PARD3B: variants seen among roughly 807,000 people sequenced by gnomAD.
PARD3B encodes the protein par-3 family cell polarity regulator beta, also known as partitioning defective 3 homolog B.
PARD3B carries 103 observed loss-of-function variants against 130.2 expected under a neutral mutation model. That is an observed-to-expected ratio of 0.79 (90% CI 0.67 to 0.93). The LOEUF (loss-of-function observed/expected upper bound fraction) is 0.93, where lower values mean the gene tolerates loss of function less well. PARD3B is among the 40% of genes least tolerant of loss of function. The pLI, the probability that PARD3B is intolerant of heterozygous loss-of-function variation, is 0.00. For missense variants in PARD3B, 1,609 were observed against 1,499.2 expected, an observed-to-expected ratio of 1.07 and a Z score of -1.21; for synonymous variants, 583 against 553.2, an observed-to-expected ratio of 1.05 and a Z score of -0.76.
rs576600035 is a variant in PARD3B at position 204,986,025 on chromosome 2, C to T, written c.394+20702C>T. ...CTGAGGCAGGAGAATTGCTTGAATCCGGGAGGTGGAGCTTGCAGTGAGCCG... is the reference window on the plus strand; with the variant it reads ...CTGAGGCAGGAGAATTGCTTGAATCTGGGAGGTGGAGCTTGCAGTGAGCCG... On this transcript the variant is annotated intron_variant, in intron 3 of 22. Transcript: ENST00000406610. 5.4e-5 allele frequency among the ~76,000 whole-genome samples: 7 copies of T among 128,446 alleles called. No individual in the cohort carries two copies. The South Asian group carries it at 1.3e-3, about 24-fold the overall frequency. The allele number at this position is 128,446 out of a possible 152,430, so 84.3% of individuals were successfully genotyped here. A position where few individuals can be genotyped will look rare whatever the true frequency, so the allele number is the denominator to read the frequency against.
rs749425971 is a variant in PARD3B, at chr2:205,105,467, G to A, written c.593+953G>A. Among the ~76,000 whole-genome samples, 7 of 152,112 alleles carry A rather than the reference G, an allele frequency of 4.6e-5. No individual in the cohort carries two copies. The highest frequency in any genetic ancestry group is 7.2e-5 in the African/African-American group (3 of 41,416). On this transcript the variant is annotated intron_variant, in intron 5 of 22. Transcript: ENST00000406610. This position sits in a 1 kb window ranked among gnomAD's most constrained non-coding sequence, Gnocchi z 4.0. The stretch of plus-strand genomic sequence containing the variant: ...GTTTATAATTATTCATGCAGTTGAC[G>A]TATTCCTTTCATTTAGTCCAAACAA...
chr2:204,618,908 A>C (rs188967023), intron 1 of PARD3B, among the ~76,000 whole-genome samples: 71 of 151,930 alleles, frequency 4.7e-4, no homozygotes, highest in African/African-American at 1.7e-3. Flanking sequence ...TTTCTATCTT[A>C]TTTTGTTCAT....
At position 205,158,990 on chromosome 2, in the gene PARD3B, T is replaced by G. The variant is rs2034351046; in HGVS notation, c.1620+83T>G. 1 of 1,478,176 alleles carries G rather than the reference T, an allele frequency of 6.8e-7. No homozygotes were observed. 91.6% of individuals were successfully genotyped at this position (1,478,176 alleles called of 1,614,324 possible). On this transcript the variant is annotated intron_variant, in intron 11 of 22. Coordinates refer to ENST00000406610, the MANE Select transcript of PARD3B (RefSeq NM_001302769.2). The surrounding 1 kb of genome is among the most constrained non-coding windows in gnomAD (Gnocchi z 5.4). ...GTACTTAGAGACTGAATGGAGAAAG[T>G]GTCTGAAGACTTGAGGCCACTGAGA... is the stretch of plus-strand genomic sequence containing the variant.
chr2:204,965,001 A>G lies in PARD3B; in HGVS notation c.223-151A>G, dbSNP rs1691100177. The G allele has an allele frequency of 6.6e-6, 4 of 603,186 alleles. No individual in the cohort carries two copies. The East Asian group carries it at 1.2e-4, about 18-fold the overall frequency. The allele number at this position is 603,186 out of a possible 1,614,324, so 37.4% of individuals were successfully genotyped here. A position where few individuals can be genotyped will look rare whatever the true frequency, so the allele number is the denominator to read the frequency against. ...GTGCTTATAGACATAATATTATTGA[A>G]AAATTAAGAGTTGTGGTATAGTAAC... On this transcript the variant is annotated intron_variant, in intron 2 of 22. Coordinates refer to ENST00000406610, the MANE Select transcript of PARD3B (RefSeq NM_001302769.2).
intron 18 of PARD3B, among the ~76,000 whole-genome samples, chr2:205,345,743 A>G (rs944815210): frequency 4.0e-5 from 6 of 149,574 alleles, no homozygotes; most frequent in Non-Finnish European, 7.4e-5. Flanking sequence ...TACTCCCAGT[A>G]TATTCTCTTC....
chr2:205,362,592 A>G (rs549479464), intron 18 of PARD3B, among the ~76,000 whole-genome samples: 1 of 152,328 alleles, frequency 6.6e-6, no homozygotes, highest in East Asian at 1.9e-4. Context: ...TAGGTAGTCT[A>G]ACAGACATAA....
At chr2:204,947,669 T>C (rs1414880537) in intron 2 of PARD3B, among the ~76,000 whole-genome samples, 2 of 151,800 alleles carry the variant, frequency 1.3e-5, no homozygotes, top group Admixed American at 1.3e-4. Flanking sequence ...GCCTTAGTTG[T>C]TTTATTTAAA....
At chr2:204,645,945 T>C (rs1271894824) in intron 1 of PARD3B, among the ~76,000 whole-genome samples, 2 of 152,130 alleles carry the variant, frequency 1.3e-5, no homozygotes, top group Non-Finnish European at 2.9e-5. Context: ...CGTGTCTCTC[T>C]TCCTTCTTGT....
chr2:204,637,212 T>C (rs977325197), intron 1 of PARD3B, among the ~76,000 whole-genome samples: 2 of 152,156 alleles, frequency 1.3e-5, no homozygotes, highest in African/African-American at 4.8e-5. Flanking sequence ...TCATAGGATT[T>C]ATCATTAATA....
intron 18 of PARD3B, among the ~76,000 whole-genome samples, chr2:205,354,565 A>G: frequency 6.6e-6 from 1 of 152,112 alleles, no homozygotes; most frequent in Admixed American, 6.5e-5. Context: ...TGACCCTCCC[A>G]CCTCAGCCTC....
intron 2 of PARD3B, among the ~76,000 whole-genome samples, chr2:204,707,234 G>A (rs936694578): frequency 1.3e-5 from 2 of 152,142 alleles, no homozygotes; most frequent in East Asian, 1.9e-4. Flanking sequence ...CATGAAGCCC[G>A]AGTGGGACTG....
chr2:204,644,368 T>A (rs1207919107), intron 1 of PARD3B, among the ~76,000 whole-genome samples: 1 of 152,180 alleles, frequency 6.6e-6, no homozygotes, highest in Non-Finnish European at 1.5e-5. Flanking sequence ...GGTGTCTATC[T>A]TTGTGTGTGG....
At chr2:204,905,474 G>A (rs1559245613) in intron 2 of PARD3B, among the ~76,000 whole-genome samples, 1 of 152,150 alleles carries the variant, frequency 6.6e-6, no homozygotes, top group Non-Finnish European at 1.5e-5. Context: ...AAGAAAAATG[G>A]CTTTATCATT....
At chr2:204,970,274 C>T (rs1292335336) in intron 3 of PARD3B, among the ~76,000 whole-genome samples, 3 of 152,158 alleles carry the variant, frequency 2.0e-5, no homozygotes, top group Non-Finnish European at 1.5e-5. Context: ...TAGTTCTAGA[C>T]CCTGCAGTAT....
chr2:205,371,913 G>A (rs1018774190), intron 18 of PARD3B, among the ~76,000 whole-genome samples: 3 of 151,912 alleles, frequency 2.0e-5, no homozygotes, highest in African/African-American at 7.3e-5. Context: ...TGTACCATGG[G>A]GTCTTTGCGA....
At chr2:204,662,293 C>T (rs1043084576) in intron 1 of PARD3B, among the ~76,000 whole-genome samples, 1 of 152,168 alleles carries the variant, frequency 6.6e-6, no homozygotes, top group Admixed American at 6.5e-5. Context: ...CTGTCAAGCT[C>T]ATGGTGGCAA....
chr2:204,912,864 G>T (rs2047293828), intron 2 of PARD3B, among the ~76,000 whole-genome samples: 1 of 151,992 alleles, frequency 6.6e-6, no homozygotes. Flanking sequence ...CATTTATCAG[G>T]ATTCTTCTGT....
At chr2:204,761,770 T>A (rs978188056) in intron 2 of PARD3B, among the ~76,000 whole-genome samples, 4 of 152,180 alleles carry the variant, frequency 2.6e-5, no homozygotes, top group African/African-American at 4.8e-5. Context: ...TCCTTTATTT[T>A]GGCTTTAATG....
rs547516332 is a variant in PARD3B at position 205,424,623 on chromosome 2, A to AGAAAGGTTTAAAGG, written c.2742-15740_2742-15727dup. ...TTCCAGGTGACAGAATGGAAAGAAA[A>AGAAAGGTTTAAAGG]GAAAGGTTTAAAGGGAAAGGAAAGG... is the stretch of plus-strand genomic sequence containing the variant. On this transcript the variant is annotated intron_variant, in intron 19 of 22. Coordinates refer to ENST00000406610, the MANE Select transcript of PARD3B (RefSeq NM_001302769.2). Among the ~76,000 whole-genome samples, 40 of 152,288 alleles carry AGAAAGGTTTAAAGG rather than the reference A, an allele frequency of 2.6e-4. No homozygotes were observed. In the South Asian group the frequency reaches 7.7e-3, roughly 29 times the overall value.
Sources: gnomAD v4.1 joint callset for allele counts (sites outside exome capture counted in the v4.1 genomes callset) on GRCh38, gnomAD v4.1.1 for gene constraint, Gnocchi (gnomAD v3.1) non-coding constraint, MANE v1.5 for transcripts, NCBI Gene and HGNC (gene_info 2026-07-23, HGNC 2026-07-21) for gene names.